FALEC: variants seen among roughly 807,000 people sequenced by gnomAD.
FALEC encodes the protein focally amplified lncRNA on chromosome 1.
chr1:150,529,816 C>G, the FALEC span, among the ~76,000 whole-genome samples: 1 of 152,126 alleles, frequency 6.6e-6, no homozygotes, highest in Non-Finnish European at 1.5e-5. Context: ...CCAGGATGGT[C>G]TCGATCTCCT....
chr1:150,529,033 A>AAAAAAAAAAAAAAAAAAG, the FALEC span, among the ~76,000 whole-genome samples: 1 of 151,172 alleles, frequency 6.6e-6, no homozygotes, highest in Admixed American at 6.6e-5. Flanking sequence ...AAAAAAAAAA[A>AAAAAAAAAAAAAAAAAAG]AAAAAATCAA....
chr1:150,523,743 C>G, the FALEC span, among the ~76,000 whole-genome samples: 2 of 151,868 alleles, frequency 1.3e-5, no homozygotes, highest in Non-Finnish European at 2.9e-5. Context: ...AATAATGGCC[C>G]CAAAGATTTC....
At chr1:150,519,439 A>G (rs1670611638), downstream of FALEC, among the ~76,000 whole-genome samples, 1 of 152,304 alleles carries the variant, frequency 6.6e-6, no homozygotes, top group South Asian at 2.1e-4. Context: ...GGTAAAATAA[A>G]TGTAAGGGCG....
chr1:150,526,213 G>A, the FALEC span, among the ~76,000 whole-genome samples: 2 of 151,956 alleles, frequency 1.3e-5, no homozygotes, highest in South Asian at 2.1e-4. Context: ...AGCTGGGCGC[G>A]GTAGCGGGCA....
the FALEC span, among the ~76,000 whole-genome samples, chr1:150,525,324 G>T: frequency 6.6e-6 from 1 of 152,118 alleles, no homozygotes; most frequent in Non-Finnish European, 1.5e-5. Flanking sequence ...CATTAGCCAG[G>T]TGTGGTGCCA....
At chr1:150,521,984 C>T (rs1220360556), downstream of FALEC, among the ~76,000 whole-genome samples, 2 of 152,170 alleles carry the variant, frequency 1.3e-5, no homozygotes, top group Non-Finnish European at 2.9e-5. Context: ...GTGGCCCACT[C>T]CCGTAATCCC....
chr1:150,529,262 C>T, the FALEC span, among the ~76,000 whole-genome samples: 1 of 152,158 alleles, frequency 6.6e-6, no homozygotes, highest in Non-Finnish European at 1.5e-5. Flanking sequence ...GGATTAGAAA[C>T]CATACGTGTG....
chr1:150,536,525 C>G, the FALEC span, among the ~76,000 whole-genome samples: 3 of 152,182 alleles, frequency 2.0e-5, no homozygotes, highest in African/African-American at 4.8e-5. Flanking sequence ...GGTGCAGTGG[C>G]TCACGCCTAT....
the FALEC span, among the ~76,000 whole-genome samples, chr1:150,532,313 T>G: frequency 1.3e-5 from 2 of 152,286 alleles, no homozygotes; most frequent in South Asian, 4.2e-4. Context: ...CTCGTTCCCC[T>G]GGAGTGGAGC....
chr1:150,524,728 G>GA, the FALEC span, among the ~76,000 whole-genome samples: 1 of 152,064 alleles, frequency 6.6e-6, no homozygotes, highest in Admixed American at 6.6e-5. Flanking sequence ...TGGCTATAAT[G>GA]AAAAAAAGCA....
At chr1:150,530,571 A>C in the FALEC span, among the ~76,000 whole-genome samples, 2 of 152,134 alleles carry the variant, frequency 1.3e-5, no homozygotes, top group Non-Finnish European at 2.9e-5. Flanking sequence ...CCCAGGGCCC[A>C]AATTCAGGCT....
chr1:150,518,819 G>A (rs1309028010), downstream of FALEC, among the ~76,000 whole-genome samples: 1 of 152,064 alleles, frequency 6.6e-6, no homozygotes, highest in Non-Finnish European at 1.5e-5. Flanking sequence ...CACTTTGGGA[G>A]GCCGAGTTGG....
the FALEC span, among the ~76,000 whole-genome samples, chr1:150,528,674 C>T: frequency 6.6e-6 from 1 of 151,590 alleles, no homozygotes; most frequent in African/African-American, 2.4e-5. Context: ...CTCCGCCTCC[C>T]AGGTTCACGC....
At chr1:150,519,084 T>C (rs1670607299), downstream of FALEC, among the ~76,000 whole-genome samples, 2 of 152,050 alleles carry the variant, frequency 1.3e-5, no homozygotes, top group South Asian at 4.2e-4. Context: ...ATAATAAAAG[T>C]ATGCAAAACA....
chr1:150,523,722 G>T, the FALEC span, among the ~76,000 whole-genome samples: 1 of 151,858 alleles, frequency 6.6e-6, no homozygotes, highest in African/African-American at 2.4e-5. Flanking sequence ...GCTGGACAGT[G>T]TAGTGGGCTG....
chr1:150,533,861 A>C, the FALEC span, among the ~76,000 whole-genome samples: 1 of 152,186 alleles, frequency 6.6e-6, no homozygotes, highest in Non-Finnish European at 1.5e-5. Flanking sequence ...TTCCATATGC[A>C]TGGGGTATTT....
At chr1:150,531,749 C>T in the FALEC span, among the ~76,000 whole-genome samples, 1 of 152,192 alleles carries the variant, frequency 6.6e-6, no homozygotes, top group Admixed American at 6.5e-5. Flanking sequence ...GCCAAAAATG[C>T]ACCCCTAACC....
chr1:150,532,887 C>T, the FALEC span, among the ~76,000 whole-genome samples: 1 of 152,158 alleles, frequency 6.6e-6, no homozygotes, highest in Non-Finnish European at 1.5e-5. Flanking sequence ...CTTTCTAATG[C>T]TGCTTCTTGG....
downstream of FALEC, among the ~76,000 whole-genome samples, chr1:150,518,805 C>T (rs752695307): frequency 3.9e-5 from 6 of 151,920 alleles, no homozygotes; most frequent in Non-Finnish European, 7.4e-5. Context: ...GCCTGTAATC[C>T]GGGCACTTTG....
Sources: gnomAD v4.1 joint callset for allele counts (sites outside exome capture counted in the v4.1 genomes callset) on GRCh38, gnomAD v4.1.1 for gene constraint, MANE v1.5 for transcripts, NCBI Gene and HGNC (gene_info 2026-07-23, HGNC 2026-07-21) for gene names.